STS: variants seen among roughly 807,000 people sequenced by gnomAD.
STS encodes steryl-sulfatase.
In STS, 7 loss-of-function variants were observed where a neutral mutation model predicts 26.8. That is an observed-to-expected ratio of 0.26 (90% CI 0.15 to 0.49). STS has a LOEUF of 0.49. Ranked by LOEUF, STS falls within the 20% of genes least tolerant of loss-of-function variation. The probability of loss-of-function intolerance (pLI) is 0.98; values close to 1 mark genes in which losing one functional copy is unlikely to be tolerated. For synonymous variants in STS, 199 were observed against 189.4 expected, an observed-to-expected ratio of 1.05 and a Z score of -0.42; for missense variants, 434 against 465.6, an observed-to-expected ratio of 0.93 and a Z score of 0.63.
rs201808898 is a variant in STS, at chrX:7,259,414, G to A, written c.448G>A (p.Gly150Ser). The A allele has an allele frequency of 9.1e-6, 11 of 1,209,290 alleles. No individual in the cohort carries two copies. Among genetic ancestry groups the A allele is most frequent in the Admixed American group, 4.4e-5 (2 of 45,692 alleles). Residue 150 changes from glycine (G) to serine (S), a missense_variant, in exon 6 of 11, where the codon GGC (glycine) becomes AGC (serine). Gly to Ser is a moderately conservative substitution (Grantham distance 56, BLOSUM62 0). Coordinates refer to ENST00000674429, the MANE Select transcript of STS (RefSeq NM_001320752.2). The stretch of plus-strand genomic sequence containing the variant: ...CTTCTGTCACCACCCTTTACATCAC[G>A]GCTTCAATTATTTCTATGGGATCTC... ...TDFCHHPLHH[G>S]FNYFYGISLT...
intron 10 of STS, among the ~76,000 whole-genome samples, chrX:7,337,343 G>T (rs1412321051): frequency 8.9e-6 from 1 of 112,182 alleles, no homozygotes; most frequent in African/African-American, 3.2e-5. Flanking sequence ...ACATTTTAGA[G>T]CATGAGGCAC....
intron 9 of STS, among the ~76,000 whole-genome samples, chrX:7,326,198 C>T (rs1320026896): frequency 3.6e-5 from 4 of 110,824 alleles, no homozygotes; most frequent in Non-Finnish European, 7.6e-5. Flanking sequence ...TGTCACGATG[C>T]CTCCAGCTGT....
intron 8 of STS, among the ~76,000 whole-genome samples, chrX:7,316,147 G>A (rs1177184721): frequency 6.3e-5 from 7 of 111,748 alleles, no homozygotes; most frequent in African/African-American, 2.3e-4. Context: ...AGAGTAAGAT[G>A]TATTTTTTAG....
chrX:7,239,068 T>A (rs181719249), intron 2 of STS, among the ~76,000 whole-genome samples: 1 of 111,642 alleles, frequency 9.0e-6, no homozygotes, highest in African/African-American at 3.3e-5. Context: ...TTGATTGTAT[T>A]GAGAAATACA....
rs376049489 is a variant in STS at position 7,345,133 on chromosome X, C to T, written c.1364-4755C>T. ...AAATTTGTAGGCGATGTAGCATGAC[C>T]CTGTTCCCGGACCAAACCGAGGGTA... On this transcript the variant is annotated intron_variant, in intron 10 of 10. Coordinates refer to ENST00000674429, the MANE Select transcript of STS (RefSeq NM_001320752.2). 5.4e-5 allele frequency among the ~76,000 whole-genome samples: 6 copies of T among 111,214 alleles called. No individual in the cohort carries two copies. In the East Asian group the frequency reaches 1.1e-3, roughly 21 times the overall value.
At chrX:7,336,204 G>A (rs1346243308) in intron 10 of STS, among the ~76,000 whole-genome samples, 3 of 108,895 alleles carry the variant, frequency 2.8e-5, no homozygotes, top group African/African-American at 1.0e-4. Context: ...TTTTCTCTAA[G>A]GGGCTTTGGA....
chrX:7,331,530 T>C (rs1276631970), intron 9 of STS, among the ~76,000 whole-genome samples: 1 of 111,395 alleles, frequency 9.0e-6, no homozygotes, highest in Non-Finnish European at 1.9e-5. Context: ...TTAGACTGTT[T>C]CCAGAGAAAA....
intron 8 of STS, among the ~76,000 whole-genome samples, chrX:7,322,352 G>A (rs928007841): frequency 2.7e-5 from 3 of 111,558 alleles, no homozygotes; most frequent in East Asian, 5.6e-4. Flanking sequence ...ATCGGACAAC[G>A]GAGGCCTTCA....
chrX:7,243,125 C>T (rs1338532873), intron 2 of STS, among the ~76,000 whole-genome samples: 1 of 112,100 alleles, frequency 8.9e-6, no homozygotes, highest in East Asian at 2.8e-4. Flanking sequence ...TACAGTGGCG[C>T]AATCATAGCT....
At chrX:7,302,295 C>CG (rs1926001912) in intron 7 of STS, among the ~76,000 whole-genome samples, 1 of 111,329 alleles carries the variant, frequency 9.0e-6, no homozygotes. Flanking sequence ...AAAGTATAAA[C>CG]GGGGGTTATA....
chrX:7,177,891 T>C (rs2147003048), intron 1 of STS, among the ~76,000 whole-genome samples: 1 of 110,990 alleles, frequency 9.0e-6, no homozygotes, highest in Non-Finnish European at 1.9e-5. Flanking sequence ...CCTCAAACTC[T>C]TGGGCTCAAG....
rs1030896154 is a variant in STS at position 7,186,935 on chromosome X, A to G, written c.-133-3945A>G. ...GGCCAAGGGAGGAGTTGAGCAGCACAGCTGTTGCAACAAAGACCTCAGCTC... is the reference window on the plus strand; with the variant it reads ...GGCCAAGGGAGGAGTTGAGCAGCACGGCTGTTGCAACAAAGACCTCAGCTC... On this transcript the variant is annotated intron_variant, in intron 1 of 10. Transcript: ENST00000674429. 5.4e-5 allele frequency among the ~76,000 whole-genome samples: 6 copies of G among 111,598 alleles called. No individual in the cohort carries two copies. In the East Asian group the frequency reaches 1.7e-3, roughly 32 times the overall value.
chrX:7,312,519 AT>A (rs1311129255), intron 8 of STS, among the ~76,000 whole-genome samples: 1 of 111,144 alleles, frequency 9.0e-6, no homozygotes, highest in Non-Finnish European at 1.9e-5. Flanking sequence ...CTCATCTTGA[AT>A]TGTAGCTCCC....
At chrX:7,229,567 T>C (rs1283709208) in intron 2 of STS, among the ~76,000 whole-genome samples, 1 of 110,828 alleles carries the variant, frequency 9.0e-6, no homozygotes, top group Non-Finnish European at 1.9e-5. Flanking sequence ...TTCCCTGCAC[T>C]GCCTCACTCT....
intron 7 of STS, among the ~76,000 whole-genome samples, chrX:7,292,937 G>A (rs1312092274): frequency 7.2e-5 from 8 of 111,437 alleles, no homozygotes; most frequent in Non-Finnish European, 1.3e-4. Flanking sequence ...TATATTACAA[G>A]GCTACAGTAA....
intron 2 of STS, among the ~76,000 whole-genome samples, chrX:7,225,170 C>T (rs1356809956): frequency 9.0e-6 from 1 of 111,672 alleles, no homozygotes; most frequent in African/African-American, 3.3e-5. Flanking sequence ...TATATAAATG[C>T]ATTTTGGCTC....
Position 7,259,709 on chromosome X carries a change from A to T in STS, c.743A>T (p.Gln248Leu). The T allele has an allele frequency of 3.3e-6, 4 of 1,211,489 alleles. No individual in the cohort carries two copies. Among genetic ancestry groups the T allele is most frequent in the Non-Finnish European group, 4.5e-6 (4 of 895,404 alleles). ...FMMRNYEIIQ[Q>L]PMSYDNLTQR... is the part of the protein sequence containing the mutation. ...ATGAGGAACTACGAGATCATTCAGCAGCCCATGTCCTATGACAATCTCACC... is the reference window on the plus strand; with the variant it reads ...ATGAGGAACTACGAGATCATTCAGCTGCCCATGTCCTATGACAATCTCACC... The change falls in exon 6 of 11, where the codon CAG (glutamine) becomes CTG (leucine). Residue 248 changes from glutamine (Q) to leucine (L), a missense_variant. Physicochemically the swap from Gln to Leu is moderately radical, Grantham distance 113. Around this residue, in one of 2 missense-constraint regions of STS, gnomAD observed 229 missense variants for 288.3 expected, o/e 0.79. Transcript: ENST00000674429.
At position 7,298,675 on chromosome X, in the gene STS, T is replaced by C. The variant is rs146104530; in HGVS notation, c.944-6371T>C. 8.4e-3 allele frequency among the ~76,000 whole-genome samples: 927 copies of C among 110,710 alleles called. 4 individuals carry two copies. Among genetic ancestry groups the C allele is most frequent in the Non-Finnish European group, 0.014 (732 of 52,946 alleles). ...CCCTGAAGTAACACCTAGCATTTTA[T>C]ATGGCCAGCAGAGAGTCGTAGCCAC... is the stretch of plus-strand genomic sequence containing the variant. On this transcript the variant is annotated intron_variant, in intron 7 of 10. Coordinates refer to ENST00000674429, the MANE Select transcript of STS (RefSeq NM_001320752.2).
chrX:7,247,043 G>A (rs1922918361), intron 2 of STS, among the ~76,000 whole-genome samples: 1 of 112,146 alleles, frequency 8.9e-6, no homozygotes, highest in African/African-American at 3.2e-5. Flanking sequence ...AAATATGTGT[G>A]TGTGTGTATG....
Sources: allele counts gnomAD v4.1 joint callset (sites outside exome capture counted in the v4.1 genomes callset), GRCh38; gene constraint gnomAD v4.1.1; regional missense constraint gnomAD v4.1.1; transcripts MANE v1.5; gene names NCBI Gene and HGNC (gene_info 2026-07-23, HGNC 2026-07-21).